ITIH5: variants seen among roughly 807,000 people sequenced by gnomAD.
The protein encoded by ITIH5 is inter-alpha-trypsin inhibitor heavy chain H5.
ITIH5 carries 65 observed loss-of-function variants against 77.5 expected under a neutral mutation model. The observed-to-expected ratio is 0.84, with a 90% CI of 0.69 to 1.03. The LOEUF (loss-of-function observed/expected upper bound fraction) is 1.03, where lower values mean the gene tolerates loss of function less well. Ranked by LOEUF, ITIH5 falls within the 50% of genes least tolerant of loss-of-function variation. The pLI, the probability that ITIH5 is intolerant of heterozygous loss-of-function variation, is 0.00. For missense variants in ITIH5, 1,208 were observed against 1,213.1 expected, an observed-to-expected ratio of 1.00 and a Z score of 0.06; for synonymous variants, 525 against 494.3, an observed-to-expected ratio of 1.06 and a Z score of -0.82.
intron 2 of ITIH5, among the ~76,000 whole-genome samples, chr10:7,644,653 CACATATATATCAT>C (rs1180358189): frequency 3.1e-5 from 4 of 129,324 alleles, no homozygotes; most frequent in Admixed American, 1.6e-4. Flanking sequence ...TCATATATAT[CACATATATATCAT>C]ATATATCACA....
chr10:7,630,936 G>A (rs1290304887), intron 5 of ITIH5, among the ~76,000 whole-genome samples: 1 of 151,770 alleles, frequency 6.6e-6, no homozygotes, highest in Non-Finnish European at 1.5e-5. Context: ...TTTAATGTTA[G>A]GTTAGCGCAA....
chr10:7,649,929 T>C (rs1328023859), intron 2 of ITIH5, among the ~76,000 whole-genome samples: 1 of 152,242 alleles, frequency 6.6e-6, no homozygotes, highest in Non-Finnish European at 1.5e-5. Context: ...CAACATGCTT[T>C]CCATATTTCT....
Position 7,629,215 on chromosome 10 carries a change from CTGTTGTAGCGTGTGCCCA to C in ITIH5, c.652+7995_652+8012del, listed in dbSNP as rs1564269527. ...TGTGTCCCTGTTGTAGCGTGTGTCC[CTGTTGTAGCGTGTGCCCA>C]TGTTGTAGCGTGTGTCCATGTTGTA... On this transcript the variant is annotated intron_variant, in intron 5 of 13. Coordinates refer to ENST00000397146, the MANE Select transcript of ITIH5 (RefSeq NM_030569.7). Among the ~76,000 whole-genome samples, 21 of 74,102 alleles carry C rather than the reference CTGTTGTAGCGTGTGCCCA, an allele frequency of 2.8e-4. 1 individual carries two copies. The highest frequency in any genetic ancestry group is 5.4e-4 in the African/African-American group (11 of 20,506). The allele number at this position is 74,102 out of a possible 152,430, so 48.6% of individuals were successfully genotyped here. A position where few individuals can be genotyped will look rare whatever the true frequency, so the allele number is the denominator to read the frequency against.
At chr10:7,594,223 C>T (rs1346558952) in intron 7 of ITIH5, among the ~76,000 whole-genome samples, 1 of 152,174 alleles carries the variant, frequency 6.6e-6, no homozygotes, top group East Asian at 1.9e-4. Flanking sequence ...AGAGTCCCTC[C>T]CAATCCTGAG....
intron 2 of ITIH5, among the ~76,000 whole-genome samples, chr10:7,645,309 C>A (rs989695791): frequency 6.6e-6 from 1 of 152,044 alleles, no homozygotes; most frequent in Non-Finnish European, 1.5e-5. Flanking sequence ...AAGAAACCTT[C>A]CAGTTTAGTT....
chr10:7,587,645 C>G (rs1470018573), intron 7 of ITIH5, among the ~76,000 whole-genome samples: 1 of 152,208 alleles, frequency 6.6e-6, no homozygotes, highest in East Asian at 1.9e-4. Flanking sequence ...AGGATTAAAT[C>G]AGAATCGAGA....
chr10:7,589,365 A>ACCCG, intron 7 of ITIH5, among the ~76,000 whole-genome samples: 1 of 152,286 alleles, frequency 6.6e-6, no homozygotes, highest in African/African-American at 2.4e-5. Flanking sequence ...AGGCTGAGGC[A>ACCCG]GGACAGTCAC....
intron 7 of ITIH5, among the ~76,000 whole-genome samples, chr10:7,588,650 T>C (rs1206584007): frequency 6.6e-6 from 1 of 152,272 alleles, no homozygotes; most frequent in Non-Finnish European, 1.5e-5. Context: ...TCCTCCACTT[T>C]CCCAGCACTT....
intron 8 of ITIH5, among the ~76,000 whole-genome samples, chr10:7,583,066 T>C (rs1023731807): frequency 6.6e-6 from 1 of 152,196 alleles, no homozygotes; most frequent in African/African-American, 2.4e-5. Flanking sequence ...TATCACACAA[T>C]GTATGCCTGT....
intron 13 of ITIH5, among the ~76,000 whole-genome samples, chr10:7,563,894 G>A (rs1269632427): frequency 2.0e-5 from 3 of 152,270 alleles, no homozygotes; most frequent in African/African-American, 7.2e-5. Flanking sequence ...TCTGCAAGGG[G>A]AGCTCATGCT....
intron 13 of ITIH5, among the ~76,000 whole-genome samples, chr10:7,564,075 G>A (rs953618623): frequency 5.9e-5 from 9 of 152,258 alleles, no homozygotes; most frequent in Non-Finnish European, 1.2e-4. Context: ...GGCCACGTGG[G>A]TGCCCCCCCG....
chr10:7,616,272 T>G (rs1833364818), intron 6 of ITIH5, among the ~76,000 whole-genome samples, 174 bp from the exon 7 acceptor site: 1 of 152,182 alleles, frequency 6.6e-6, no homozygotes, highest in East Asian at 1.9e-4. Flanking sequence ...GAGAACTAAT[T>G]GCTCATTTAA....
chr10:7,604,924 C>T (rs985368695), intron 7 of ITIH5, among the ~76,000 whole-genome samples: 2 of 151,992 alleles, frequency 1.3e-5, no homozygotes, highest in African/African-American at 4.8e-5. Context: ...CGGGTTCAAG[C>T]GATTCTCCTG....
intron 10 of ITIH5, among the ~76,000 whole-genome samples, chr10:7,574,365 C>T (rs548709089): frequency 2.1e-4 from 32 of 152,048 alleles, no homozygotes; most frequent in Admixed American, 1.8e-3. Context: ...TGTAGATTAG[C>T]CAGGAAAGAG....
At chr10:7,639,048 A>G (rs1255722852) in intron 4 of ITIH5, among the ~76,000 whole-genome samples, 1 of 152,248 alleles carries the variant, frequency 6.6e-6, no homozygotes. Context: ...AACATATGTC[A>G]TGATTCAACT....
chr10:7,597,978 T>G (rs560288105), intron 7 of ITIH5, among the ~76,000 whole-genome samples: 1 of 152,250 alleles, frequency 6.6e-6, no homozygotes, highest in South Asian at 2.1e-4. Flanking sequence ...CGCCATAATG[T>G]ATTTGGGTCC....
At chr10:7,578,797 C>T (rs1265722151) in intron 9 of ITIH5, 6 of 152,200 alleles carry the variant, frequency 3.9e-5, no homozygotes, top group African/African-American at 1.4e-4. Context: ...ACTCAATGAA[C>T]AGCAAAGGAG....
intron 13 of ITIH5, among the ~76,000 whole-genome samples, chr10:7,565,271 G>A (rs1395980591): frequency 7.1e-6 from 1 of 141,742 alleles, no homozygotes; most frequent in East Asian, 2.1e-4. Context: ...TACACAGACT[G>A]TACATATATA....
At chr10:7,625,773 AAAAG>A (rs199961590) in intron 5 of ITIH5, among the ~76,000 whole-genome samples, 19,662 of 149,580 alleles carry the variant, frequency 0.13, 1,357 homozygotes, top group East Asian at 0.24. Context: ...TCAAAAAAAA[AAAAG>A]AAAGAAAGAA....
Sources: gnomAD v4.1 joint callset for allele counts (sites outside exome capture counted in the v4.1 genomes callset) on GRCh38, gnomAD v4.1.1 for gene constraint, MANE v1.5 for transcripts, NCBI Gene and HGNC (gene_info 2026-07-23, HGNC 2026-07-21) for gene names.